Variants in CNTNAP5 observed in about 807,000 individuals in gnomAD.
CNTNAP5 encodes contactin-associated protein-like 5.
In CNTNAP5, 72 loss-of-function variants were observed where a neutral mutation model predicts 150.2. The ratio of observed to expected loss-of-function variants is 0.48; its 90% CI spans 0.40 to 0.58. The LOEUF is 0.58. Among genes scored for constraint, CNTNAP5 ranks in the 20% least tolerant of loss-of-function variants. The pLI is 0.00. For missense variants in CNTNAP5, 1,636 were observed against 1,626.2 expected (o/e 1.01, Z -0.10); for synonymous variants, 672 against 619.8 (o/e 1.08, Z -1.25).
chr2:124,458,176 A>G (rs537289662), intron 6 of CNTNAP5, among the ~76,000 whole-genome samples: 48 of 124,612 alleles, frequency 3.9e-4, no homozygotes, highest in Non-Finnish European at 6.3e-4. Context: ...ATGCCCATCA[A>G]TCAATTAGTG....
chr2:124,663,768 T>C (rs933503085), intron 13 of CNTNAP5, among the ~76,000 whole-genome samples: 1 of 152,142 alleles, frequency 6.6e-6, no homozygotes, highest in Non-Finnish European at 1.5e-5. Flanking sequence ...GGCCATACAT[T>C]ATGATGCTGA....
At chr2:124,111,560 C>T (rs1364031165) in intron 1 of CNTNAP5, among the ~76,000 whole-genome samples, 1 of 152,118 alleles carries the variant, frequency 6.6e-6, no homozygotes, top group African/African-American at 2.4e-5. Flanking sequence ...CACCATACCA[C>T]AGGCTTCATC....
At chr2:124,044,093 T>G (rs1681463827) in intron 1 of CNTNAP5, among the ~76,000 whole-genome samples, 1 of 152,176 alleles carries the variant, frequency 6.6e-6, no homozygotes, top group Non-Finnish European at 1.5e-5. Context: ...CCACTTCTAT[T>G]TTCATTCAGA....
intron 3 of CNTNAP5, among the ~76,000 whole-genome samples, chr2:124,371,571 G>A (rs1488393185): frequency 6.6e-6 from 1 of 152,026 alleles, no homozygotes; most frequent in Non-Finnish European, 1.5e-5. Context: ...TAGGCTTTAT[G>A]AGTCTTCTCC....
At chr2:124,040,679 G>T (rs1681347006) in intron 1 of CNTNAP5, among the ~76,000 whole-genome samples, 1 of 147,030 alleles carries the variant, frequency 6.8e-6, no homozygotes, top group South Asian at 2.2e-4. Flanking sequence ...TTCTTTACTG[G>T]CAGAAGACAG....
chr2:124,170,955 G>T (rs1000721230), intron 1 of CNTNAP5, among the ~76,000 whole-genome samples: 3 of 152,138 alleles, frequency 2.0e-5, no homozygotes, highest in African/African-American at 4.8e-5. Flanking sequence ...GGCTCTTGTG[G>T]CTGTGTTCTG....
At chr2:124,827,354 C>A (rs73955848) in intron 19 of CNTNAP5, among the ~76,000 whole-genome samples, 7,592 of 152,198 alleles carry the variant, frequency 0.05, 551 homozygotes, top group African/African-American at 0.16. Flanking sequence ...ATCTCACTGA[C>A]CAGGTGGGTC....
intron 6 of CNTNAP5, among the ~76,000 whole-genome samples, chr2:124,470,454 A>G (rs1693483567): frequency 6.6e-6 from 1 of 152,028 alleles, no homozygotes; most frequent in Non-Finnish European, 1.5e-5. Flanking sequence ...TTTCTTGTAG[A>G]TGCTGCATAT....
At chr2:124,152,117 A>C (rs1276561110) in intron 1 of CNTNAP5, among the ~76,000 whole-genome samples, 1 of 152,166 alleles carries the variant, frequency 6.6e-6, no homozygotes, top group Non-Finnish European at 1.5e-5. Flanking sequence ...AGTCTGAGAG[A>C]GGTAAAGCAA....
At chr2:124,858,043 T>G (rs988802806) in intron 19 of CNTNAP5, among the ~76,000 whole-genome samples, 2 of 152,134 alleles carry the variant, frequency 1.3e-5, no homozygotes, top group African/African-American at 4.8e-5. Flanking sequence ...TAGGTATTGA[T>G]GGGACATATC....
At chr2:124,059,813 G>A (rs1681955870) in intron 1 of CNTNAP5, among the ~76,000 whole-genome samples, 1 of 151,950 alleles carries the variant, frequency 6.6e-6, no homozygotes. Context: ...TTCCTCAAGG[G>A]CAAGAGCCTG....
In CNTNAP5 at chr2:124,920,366, C is replaced by A. The variant is rs1678849589; in HGVS notation, c.*6078C>A. 6.6e-6 allele frequency among the ~76,000 whole-genome samples: 1 copy of A among 152,088 alleles called. No homozygotes were observed. Among genetic ancestry groups the A allele is most frequent in the African/African-American group, 2.4e-5 (1 of 41,432 alleles). Reference sequence around the variant, plus strand: ...AAGGGAAAATATTAACGGGCATCAGCCTGGGCATACTTTCCCATCAGAGTC... The same window carrying A: ...AAGGGAAAATATTAACGGGCATCAGACTGGGCATACTTTCCCATCAGAGTC... On this transcript the variant is annotated 3_prime_UTR_variant, in exon 24 of 24. Transcript: ENST00000682447.
intron 1 of CNTNAP5, among the ~76,000 whole-genome samples, chr2:124,088,498 T>C (rs906728325): frequency 1.8e-4 from 27 of 152,344 alleles, no homozygotes; most frequent in East Asian, 5.8e-4. Flanking sequence ...ATATGATGAG[T>C]AATTTTGAAT....
rs560927068 is a variant in CNTNAP5 at position 124,177,631 on chromosome 2, G to A, written c.83-44074G>A. ...ATACATGAATGTATGAGCAATGCTGGGCATGTTTTAGATATTTTTAATCAA... is the reference window on the plus strand; with the variant it reads ...ATACATGAATGTATGAGCAATGCTGAGCATGTTTTAGATATTTTTAATCAA... On this transcript the variant is annotated intron_variant, in intron 1 of 23. Transcript: ENST00000682447. Among the ~76,000 whole-genome samples the A allele has an allele frequency of 5.9e-5, 9 of 152,168 alleles. No homozygotes were observed. The South Asian group carries it at 1.9e-3, about 32-fold the overall frequency.
intron 4 of CNTNAP5, among the ~76,000 whole-genome samples, chr2:124,417,843 A>C (rs1691965373): frequency 6.6e-6 from 1 of 152,208 alleles, no homozygotes; most frequent in African/African-American, 2.4e-5. Flanking sequence ...TTGGGGAATC[A>C]AGTAACCATT....
intron 1 of CNTNAP5, among the ~76,000 whole-genome samples, chr2:124,190,261 C>T (rs1440971146): frequency 2.6e-5 from 4 of 152,116 alleles, no homozygotes; most frequent in African/African-American, 9.7e-5. Context: ...CAATTGGTAG[C>T]AATGATGTTT....
chr2:124,797,071 TCTTAAGTG>T (rs1354687081), intron 18 of CNTNAP5, among the ~76,000 whole-genome samples: 3 of 152,254 alleles, frequency 2.0e-5, no homozygotes, highest in Admixed American at 2.0e-4. Context: ...TTGGCAACTC[TCTTAAGTG>T]CTTTACATAC....
At chr2:124,539,101 C>G (rs1200259819) in intron 10 of CNTNAP5, among the ~76,000 whole-genome samples, 2 of 152,152 alleles carry the variant, frequency 1.3e-5, no homozygotes, top group Non-Finnish European at 2.9e-5. Context: ...TTTATAGACA[C>G]AGTTGGAAGA....
chr2:124,756,955 A>T (rs1054435130), intron 14 of CNTNAP5, among the ~76,000 whole-genome samples: 2 of 152,188 alleles, frequency 1.3e-5, no homozygotes, highest in Non-Finnish European at 2.9e-5. Flanking sequence ...AAGAAACTAA[A>T]GGGGAAAGAA....
Sources: gnomAD v4.1 joint callset for allele counts (sites outside exome capture counted in the v4.1 genomes callset) on GRCh38, gnomAD v4.1.1 for gene constraint, MANE v1.5 for transcripts, NCBI Gene and HGNC (gene_info 2026-07-23, HGNC 2026-07-21) for gene names.